The following PDE8B variants were observed in gnomAD, a reference collection of about 807,000 sequenced individuals.
PDE8B encodes phosphodiesterase 8B, also known as high affinity cAMP-specific and IBMX-insensitive 3',5'-cyclic phosphodiesterase 8B.
In PDE8B, 26 loss-of-function variants were observed where a neutral mutation model predicts 101.3. The ratio of observed to expected loss-of-function variants is 0.26; its 90% confidence interval spans 0.19 to 0.36. The LOEUF (loss-of-function observed/expected upper bound fraction) is 0.36, where lower values mean the gene tolerates loss of function less well. PDE8B is among the 10% of genes least tolerant of loss of function. The probability of loss-of-function intolerance (pLI) is 1.00; values close to 1 mark genes in which losing one functional copy is unlikely to be tolerated. For synonymous variants in PDE8B, 424 were observed against 429.3 expected, an observed-to-expected ratio of 0.99 and a Z score of 0.15; for missense variants, 810 against 1,163.1, an observed-to-expected ratio of 0.70 and a Z score of 4.42.
the PDE8B span, among the ~76,000 whole-genome samples, chr5:77,165,958 C>T: frequency 3.7e-5 from 5 of 134,852 alleles, no homozygotes; most frequent in South Asian, 2.3e-4. Flanking sequence ...GAGCTGAGAT[C>T]GTGAGTGAGA....
Position 77,356,791 on chromosome 5 carries a change from G to A in PDE8B, c.1167+3385G>A, listed in dbSNP as rs1180473093. Among the ~76,000 whole-genome samples the A allele has an allele frequency of 5.3e-5, 8 of 152,244 alleles. No homozygotes were observed. In the South Asian group the frequency reaches 1.7e-3, roughly 32 times the overall value. On this transcript the variant is annotated intron_variant, in intron 10 of 21. Transcript: ENST00000264917. Reference sequence around the variant, plus strand: ...ACTAGAAGTTTTAAATTACACATGTGGTTTGCATGTGTGGCTCACACAATA... The same window carrying A: ...ACTAGAAGTTTTAAATTACACATGTAGTTTGCATGTGTGGCTCACACAATA...
In PDE8B at chr5:77,427,849, C is replaced by A. The variant is rs1798421985; in HGVS notation, c.*1295C>A. ...CAAACTTCATTTTTCTTTCTCTGTA[C>A]TTCATGCTGCATTTTTAAAAGGTAT... On this transcript the variant is annotated 3_prime_UTR_variant, in exon 22 of 22. Transcript: ENST00000264917. The A allele has an allele frequency of 6.6e-6, 1 of 152,104 alleles. No individual in the cohort carries two copies. Among genetic ancestry groups the A allele is most frequent in the Admixed American group, 6.6e-5 (1 of 15,258 alleles). 9.4% of individuals were successfully genotyped at this position (152,104 alleles called of 1,614,324 possible). A position where few individuals can be genotyped will look rare whatever the true frequency, so the allele number is the denominator to read the frequency against.
At chr5:77,283,454 G>T (rs1365219919) in intron 1 of PDE8B, among the ~76,000 whole-genome samples, 8 of 152,142 alleles carry the variant, frequency 5.3e-5, no homozygotes, top group Admixed American at 5.2e-4. Context: ...AAGTTTCACT[G>T]CCCTAAAAAT....
chr5:77,191,964 C>T, the PDE8B span, among the ~76,000 whole-genome samples: 1 of 152,264 alleles, frequency 6.6e-6, no homozygotes, highest in African/African-American at 2.4e-5. Context: ...GAGTGTGCAA[C>T]CTAGATCCGT....
intron 1 of PDE8B, among the ~76,000 whole-genome samples, chr5:77,310,228 G>A (rs781309821): frequency 9.9e-5 from 15 of 152,222 alleles, no homozygotes; most frequent in Non-Finnish European, 2.2e-4. Context: ...TGGGATTACA[G>A]GCGAGAGCCA....
At chr5:77,424,838 T>TTTAA (rs1457443800) in intron 20 of PDE8B, among the ~76,000 whole-genome samples, 6 of 151,458 alleles carry the variant, frequency 4.0e-5, no homozygotes, top group African/African-American at 1.5e-4. Flanking sequence ...TTTTTGTTTT[T>TTTAA]AATGTGAGAC....
chr5:77,273,605 G>A (rs546015456), intron 1 of PDE8B, among the ~76,000 whole-genome samples: 3 of 152,264 alleles, frequency 2.0e-5, no homozygotes, highest in Admixed American at 2.0e-4. Flanking sequence ...ACTTGCTTTT[G>A]CCTGGGGACA....
chr5:77,192,103 G>T, the PDE8B span, among the ~76,000 whole-genome samples: 2 of 152,328 alleles, frequency 1.3e-5, no homozygotes, highest in Non-Finnish European at 1.5e-5. Context: ...ATGAAGCTTT[G>T]CTTGCTTGGC....
At chr5:77,296,403 A>C (rs546581538) in intron 1 of PDE8B, among the ~76,000 whole-genome samples, 2 of 152,206 alleles carry the variant, frequency 1.3e-5, no homozygotes, top group African/African-American at 4.8e-5. Flanking sequence ...CTGGGACTAC[A>C]GATATACACC....
the PDE8B span, among the ~76,000 whole-genome samples, chr5:77,159,456 G>A: frequency 6.6e-6 from 1 of 152,128 alleles, no homozygotes; most frequent in African/African-American, 2.4e-5. Flanking sequence ...GATGCTTCCT[G>A]CCTTTGAACC....
the PDE8B span, among the ~76,000 whole-genome samples, chr5:77,156,988 TC>T: frequency 6.6e-6 from 1 of 152,134 alleles, no homozygotes; most frequent in African/African-American, 2.4e-5. Flanking sequence ...ATATGGTCTC[TC>T]CCATGAGTCC....
chr5:77,328,445 T>C (rs1335833081), intron 3 of PDE8B, among the ~76,000 whole-genome samples: 2 of 152,232 alleles, frequency 1.3e-5, no homozygotes, highest in African/African-American at 4.8e-5. Context: ...GATCAAGTTG[T>C]TTAAAGTATT....
chr5:77,361,584 G>A (rs1047633662), intron 10 of PDE8B, among the ~76,000 whole-genome samples: 4 of 150,022 alleles, frequency 2.7e-5, no homozygotes, highest in Admixed American at 1.3e-4. Flanking sequence ...GCGCGATCTC[G>A]GCTCACTGCA....
chr5:77,146,216 AT>A, the PDE8B span: 2 of 152,194 alleles, frequency 1.3e-5, no homozygotes, highest in African/African-American at 4.8e-5. Flanking sequence ...CTGTAATGAT[AT>A]GAGGTTCTCA....
chr5:77,408,003 T>TG (rs1054653793), intron 13 of PDE8B, among the ~76,000 whole-genome samples: 2 of 152,096 alleles, frequency 1.3e-5, no homozygotes, highest in African/African-American at 4.8e-5. Flanking sequence ...GTTTCAGGTG[T>TG]GGGGTGGGTG....
intron 1 of PDE8B, among the ~76,000 whole-genome samples, chr5:77,231,666 G>A (rs574549363): frequency 6.6e-6 from 1 of 152,322 alleles, no homozygotes; most frequent in East Asian, 1.9e-4. Context: ...CCCCCAGATG[G>A]TTCTGATGAA....
Position 77,241,216 on chromosome 5 carries a change from G to A in PDE8B, c.339+29952G>A, listed in dbSNP as rs116049534. On this transcript the variant is annotated intron_variant, in intron 1 of 21. Coordinates refer to ENST00000264917, the MANE Select transcript of PDE8B (RefSeq NM_003719.5). Reference sequence around the variant, plus strand: ...CACGCACACCTCATTGCTTTTCTTCGGCAAGTATTGGGAGTAACTCATCAT... The same window carrying A: ...CACGCACACCTCATTGCTTTTCTTCAGCAAGTATTGGGAGTAACTCATCAT... 1.2e-3 allele frequency among the ~76,000 whole-genome samples: 190 copies of A among 152,200 alleles called. 1 individual carries two copies. The highest frequency in any genetic ancestry group is 4.1e-3 in the African/African-American group (171 of 41,508).
intron 10 of PDE8B, among the ~76,000 whole-genome samples, chr5:77,389,638 A>T (rs968182648): frequency 6.6e-6 from 1 of 152,010 alleles, no homozygotes; most frequent in Non-Finnish European, 1.5e-5. Flanking sequence ...TTCACAGTCT[A>T]TCTCTGTCCA....
rs547083142 is a variant in PDE8B, at chr5:77,315,696, A to G, written c.399+3643A>G. Among the ~76,000 whole-genome samples the G allele has an allele frequency of 5.3e-5, 8 of 152,318 alleles. No individual in the cohort carries two copies. The South Asian group carries it at 1.7e-3, about 32-fold the overall frequency. On this transcript the variant is annotated intron_variant, in intron 2 of 21. Transcript: ENST00000264917. ...TTACAGTGGATTTGTTGAAATCATC[A>G]ATATGTGTTAATACTTGCTGGTATT... is the stretch of plus-strand genomic sequence containing the variant.
Sources: gnomAD v4.1 joint callset for allele counts (sites outside exome capture counted in the v4.1 genomes callset) on GRCh38, gnomAD v4.1.1 for gene constraint, MANE v1.5 for transcripts, NCBI Gene and HGNC (gene_info 2026-07-23, HGNC 2026-07-21) for gene names.